The following SNX24 variants were observed in gnomAD, a reference collection of about 807,000 sequenced individuals.
SNX24 encodes the protein sorting nexin-24.
In SNX24, 22 loss-of-function variants were observed where a neutral mutation model predicts 28.7. That is an observed-to-expected ratio of 0.77 (90% CI 0.55 to 1.10). The LOEUF is 1.10. SNX24 is among the 50% of genes least tolerant of loss of function. The pLI is 0.00. For synonymous variants in SNX24, 69 were observed against 71.5 expected, an observed-to-expected ratio of 0.96 and a Z score of 0.18; for missense variants, 221 against 201.1, an observed-to-expected ratio of 1.10 and a Z score of -0.60.
intron 1 of SNX24, among the ~76,000 whole-genome samples, chr5:122,900,992 G>A (rs1658604204): frequency 6.6e-6 from 1 of 152,006 alleles, no homozygotes; most frequent in Non-Finnish European, 1.5e-5. Flanking sequence ...CTTGAGGTCA[G>A]GAATTCAAGA....
downstream of SNX24, among the ~76,000 whole-genome samples, chr5:123,013,303 G>T (rs1762624968): frequency 6.6e-6 from 1 of 152,174 alleles, no homozygotes. Flanking sequence ...TTACTAGGAA[G>T]GGTTTTTCCA....
intron 1 of SNX24, among the ~76,000 whole-genome samples, chr5:122,866,666 C>G (rs116219897): frequency 0.029 from 4,401 of 152,216 alleles, 76 homozygotes; most frequent in Middle Eastern, 0.054. Context: ...TTGAAGGGAT[C>G]TGCCATATTC....
intron 1 of SNX24, among the ~76,000 whole-genome samples, chr5:122,881,913 A>G (rs1756499672): frequency 6.6e-6 from 1 of 151,796 alleles, no homozygotes; most frequent in South Asian, 2.1e-4. Context: ...TCTAATTGTG[A>G]AACAATTCAC....
At chr5:122,912,053 C>T (rs1757914440) in intron 1 of SNX24, among the ~76,000 whole-genome samples, 1 of 117,464 alleles carries the variant, frequency 8.5e-6, no homozygotes, top group African/African-American at 3.6e-5. Flanking sequence ...CTGTAAATTA[C>T]CTTGGGCAGT....
chr5:122,899,142 A>G (rs971624973), intron 1 of SNX24, among the ~76,000 whole-genome samples: 7 of 152,204 alleles, frequency 4.6e-5, no homozygotes, highest in Non-Finnish European at 7.3e-5. Context: ...TGAAGAACAC[A>G]GTCTCTTCTG....
At chr5:122,993,297 CTTTTTTTTTTT>C (rs34422739) in intron 3 of SNX24, among the ~76,000 whole-genome samples, 2 of 114,218 alleles carry the variant, frequency 1.8e-5, no homozygotes, top group African/African-American at 6.8e-5. Flanking sequence ...TAGTGGCTGC[CTTTTTTTTTTT>C]TTTTTTTTGA....
intron 5 of SNX24, among the ~76,000 whole-genome samples, chr5:123,028,327 G>A (rs1423738763): frequency 6.6e-6 from 1 of 152,192 alleles, no homozygotes; most frequent in Non-Finnish European, 1.5e-5. Flanking sequence ...GAAAGAAGGA[G>A]GAAAGTGCGC....
intron 1 of SNX24, among the ~76,000 whole-genome samples, chr5:122,851,127 A>G (rs1012982177): frequency 6.6e-6 from 1 of 152,318 alleles, no homozygotes; most frequent in East Asian, 1.9e-4. Flanking sequence ...TTAGGTCACA[A>G]TACAAAAGTA....
chr5:123,027,387 G>A (rs777065582), intron 5 of SNX24, among the ~76,000 whole-genome samples: 2 of 152,172 alleles, frequency 1.3e-5, no homozygotes, highest in Non-Finnish European at 2.9e-5. Context: ...AGGGAAGGTA[G>A]TGAGAAAAAA....
At chr5:123,017,665 T>A (rs1034860716) in intron 5 of SNX24, among the ~76,000 whole-genome samples, 1 of 151,698 alleles carries the variant, frequency 6.6e-6, no homozygotes, top group Admixed American at 6.6e-5. Context: ...TGGGAGGTGG[T>A]TGAATTGTAG....
At chr5:122,955,470 C>A (rs1029526774) in intron 3 of SNX24, among the ~76,000 whole-genome samples, 6 of 152,142 alleles carry the variant, frequency 3.9e-5, no homozygotes. Context: ...GAATCTTATA[C>A]ATTTTTATAA....
chr5:122,989,333 C>A lies in SNX24; in HGVS notation c.250-10579C>A, dbSNP rs911101063. 2.6e-5 allele frequency among the ~76,000 whole-genome samples: 4 copies of A among 152,212 alleles called. No homozygotes were observed. The East Asian group carries it at 7.7e-4, about 29-fold the overall frequency. ...CCTTTTCCTCATAATTATAAGATGACAACTAAGCTCAAAGACCATGCCCAT... is the reference window on the plus strand; with the variant it reads ...CCTTTTCCTCATAATTATAAGATGAAAACTAAGCTCAAAGACCATGCCCAT... On this transcript the variant is annotated intron_variant, in intron 3 of 6. Coordinates refer to ENST00000261369, the MANE Select transcript of SNX24 (RefSeq NM_014035.4).
chr5:122,984,005 A>G (rs1209116056), intron 3 of SNX24, among the ~76,000 whole-genome samples: 1 of 152,218 alleles, frequency 6.6e-6, no homozygotes, highest in Non-Finnish European at 1.5e-5. Flanking sequence ...TAACATCAGC[A>G]TCAATGTTTT....
At chr5:123,016,992 T>A (rs192085103) in intron 5 of SNX24, among the ~76,000 whole-genome samples, 2,450 of 151,500 alleles carry the variant, frequency 0.016, 59 homozygotes, top group African/African-American at 0.042. Flanking sequence ...TGAGCCTAGG[T>A]TTTTCCCACC....
chr5:122,986,449 G>A (rs532844609), intron 3 of SNX24, among the ~76,000 whole-genome samples: 1 of 152,280 alleles, frequency 6.6e-6, no homozygotes, highest in East Asian at 1.9e-4. Flanking sequence ...AGGAGAGTGA[G>A]AATGTGATCT....
In SNX24 at chr5:122,858,464, T is replaced by G. The variant is rs552896474; in HGVS notation, c.60+12771T>G. Among the ~76,000 whole-genome samples the G allele has an allele frequency of 5.2e-5, 8 of 152,386 alleles. No individual in the cohort carries two copies. The South Asian group carries it at 1.7e-3, about 32-fold the overall frequency. On this transcript the variant is annotated intron_variant, in intron 1 of 6. Coordinates refer to ENST00000261369, the MANE Select transcript of SNX24 (RefSeq NM_014035.4). ...CTGTATCTGAATTGTTCTCCATTGT[T>G]TGTCTTCAATCAATAGCCTGTGTGC...
chr5:122,919,961 G>C (rs1393638891), intron 1 of SNX24, among the ~76,000 whole-genome samples: 2 of 152,190 alleles, frequency 1.3e-5, no homozygotes, highest in African/African-American at 4.8e-5. Context: ...GTGGCCTGTT[G>C]AGCAACTTCA....
intron 4 of SNX24, 135 bp from the exon 5 acceptor site, chr5:123,001,270 G>A (rs1762234385): frequency 8.9e-6 from 6 of 671,278 alleles, no homozygotes; most frequent in Admixed American, 4.7e-5. Context: ...TGGCTCAGTG[G>A]AAACTCACAG....
chr5:123,009,384 G>A (rs189429943), downstream of SNX24, among the ~76,000 whole-genome samples: 6 of 152,212 alleles, frequency 3.9e-5, no homozygotes, highest in African/African-American at 1.2e-4. Context: ...GTCAGTAGAT[G>A]TTCATTAAAT....
Sources: allele counts gnomAD v4.1 joint callset (sites outside exome capture counted in the v4.1 genomes callset), GRCh38; gene constraint gnomAD v4.1.1; transcripts MANE v1.5; gene names NCBI Gene and HGNC (gene_info 2026-07-23, HGNC 2026-07-21).